DORIP1: variants seen among roughly 807,000 people sequenced by gnomAD.
DORIP1 encodes the protein dopamine receptor-interacting protein 1.
chr14:44,900,251 CT>C, the DORIP1 span, among the ~76,000 whole-genome samples: 1 of 152,112 alleles, frequency 6.6e-6, no homozygotes, highest in African/African-American at 2.4e-5. Flanking sequence ...CTTAAATGGT[CT>C]TTCCAGAGAG....
At chr14:44,900,096 C>G in the DORIP1 span, among the ~76,000 whole-genome samples, 1 of 152,114 alleles carries the variant, frequency 6.6e-6, no homozygotes, top group Admixed American at 6.5e-5. Flanking sequence ...TCCCAAAGTA[C>G]TGGGATTACA....
At chr14:44,900,743 C>T in the DORIP1 span, 1 of 1,614,044 alleles carries the variant, frequency 6.2e-7, no homozygotes, top group Non-Finnish European at 8.5e-7. Flanking sequence ...AGTTTTACAA[C>T]TGTGAAGCTA....
chr14:44,906,606 C>T, the DORIP1 span: 1 of 152,546 alleles, frequency 6.6e-6, no homozygotes, highest in Non-Finnish European at 1.5e-5. Context: ...ACCCTAAGGT[C>T]ACTCTTCTTT....
At chr14:44,902,022 T>C in the DORIP1 span, among the ~76,000 whole-genome samples, 1 of 152,176 alleles carries the variant, frequency 6.6e-6, no homozygotes, top group Admixed American at 6.5e-5. Flanking sequence ...TATTTGGCCC[T>C]ATGGTCCAGA....
At chr14:44,905,835 G>T in the DORIP1 span, 1 of 190,488 alleles carries the variant, frequency 5.2e-6, no homozygotes, top group Admixed American at 6.1e-5. Context: ...GTACCTCAAA[G>T]ATTTTTACAA....
chr14:44,899,267 G>T, the DORIP1 span: 1 of 152,204 alleles, frequency 6.6e-6, no homozygotes, highest in African/African-American at 2.4e-5. Context: ...GGTCCTCAAG[G>T]TTGGGGAAGA....
the DORIP1 span, chr14:44,900,481 T>C: frequency 4.5e-6 from 7 of 1,563,104 alleles, no homozygotes; most frequent in African/African-American, 9.7e-5. Context: ...TAAAAATAAC[T>C]ATAACCAAGA....
the DORIP1 span, chr14:44,904,960 A>G: frequency 5.8e-6 from 1 of 170,990 alleles, no homozygotes; most frequent in Non-Finnish European, 1.2e-5. Flanking sequence ...TGTGCCTGAC[A>G]CATACTGGCT....
chr14:44,898,146 C>T, the DORIP1 span, among the ~76,000 whole-genome samples: 1 of 152,166 alleles, frequency 6.6e-6, no homozygotes, highest in Non-Finnish European at 1.5e-5. Context: ...TCCTCCAGTC[C>T]TTCTAATTAC....
chr14:44,901,807 G>C, the DORIP1 span, among the ~76,000 whole-genome samples: 2 of 152,162 alleles, frequency 1.3e-5, no homozygotes, highest in Non-Finnish European at 2.9e-5. Flanking sequence ...ATTTTGACTA[G>C]GAAAGGTGCA....
At chr14:44,904,441 G>T in the DORIP1 span, 5 of 1,611,204 alleles carry the variant, frequency 3.1e-6, no homozygotes, top group Non-Finnish European at 4.2e-6. Context: ...CTGCCATGGG[G>T]CACCCCCTTT....
the DORIP1 span, among the ~76,000 whole-genome samples, chr14:44,897,755 C>G: frequency 6.6e-6 from 1 of 152,184 alleles, no homozygotes; most frequent in South Asian, 2.1e-4. Flanking sequence ...GGTGCCAGGC[C>G]TCCCGGGCGC....
chr14:44,900,519 T>A, the DORIP1 span: 3 of 1,598,932 alleles, frequency 1.9e-6, no homozygotes. Flanking sequence ...CTGTTCTTCC[T>A]TGGGGGGGTG....
chr14:44,901,109 C>T, the DORIP1 span: 6 of 735,134 alleles, frequency 8.2e-6, no homozygotes, highest in South Asian at 7.0e-5. Flanking sequence ...ATTTAGTATA[C>T]CTTTCTATGT....
the DORIP1 span, chr14:44,904,087 A>G: frequency 1.0e-6 from 1 of 985,338 alleles, no homozygotes. Flanking sequence ...AAACCAGCAT[A>G]TAGAGTGAAA....
the DORIP1 span, among the ~76,000 whole-genome samples, chr14:44,898,165 G>A: frequency 6.6e-6 from 1 of 152,158 alleles, no homozygotes; most frequent in Non-Finnish European, 1.5e-5. Context: ...ACAGTTCCTA[G>A]CTAAACAGCT....
At chr14:44,900,498 A>G in the DORIP1 span, 22 of 1,579,782 alleles carry the variant, frequency 1.4e-5, no homozygotes, top group Admixed American at 2.0e-5. Context: ...AAGATCGATC[A>G]TTTTGTAGGC....
At chr14:44,900,341 T>C in the DORIP1 span, 1 of 1,171,834 alleles carries the variant, frequency 8.5e-7, no homozygotes, top group Non-Finnish European at 1.1e-6. Flanking sequence ...TTGATTTGAG[T>C]CTTTAGATGG....
chr14:44,898,066 A>G, the DORIP1 span, among the ~76,000 whole-genome samples: 1 of 152,216 alleles, frequency 6.6e-6, no homozygotes, highest in Non-Finnish European at 1.5e-5. Flanking sequence ...AATAGAGGTC[A>G]GGAGAGTTTT....
Sources: gnomAD v4.1 joint callset for allele counts (sites outside exome capture counted in the v4.1 genomes callset) on GRCh38, gnomAD v4.1.1 for gene constraint, MANE v1.5 for transcripts, NCBI Gene and HGNC (gene_info 2026-07-23, HGNC 2026-07-21) for gene names.